The following GRB14 variants were observed in gnomAD, a reference collection of about 807,000 sequenced individuals.
GRB14 encodes the protein growth factor receptor bound protein 14, also known as growth factor receptor-bound protein 14.
Under a neutral mutation model 69.1 loss-of-function variants are expected in GRB14, and 38 were observed. That is an observed-to-expected ratio of 0.55 (90% confidence interval 0.42 to 0.72). The LOEUF (loss-of-function observed/expected upper bound fraction) is 0.72, where lower values mean the gene tolerates loss of function less well. Among genes scored for constraint, GRB14 ranks in the 30% least tolerant of loss-of-function variants. The probability of loss-of-function intolerance (pLI) is 0.00; values close to 1 mark genes in which losing one functional copy is unlikely to be tolerated. For missense variants in GRB14, 666 were observed against 666.1 expected, an observed-to-expected ratio of 1.00 and a Z score of 0.00; for synonymous variants, 247 against 241.3, an observed-to-expected ratio of 1.02 and a Z score of -0.22.
intron 3 of GRB14, among the ~76,000 whole-genome samples, chr2:164,535,571 A>C (rs1688059633): frequency 6.6e-6 from 1 of 152,210 alleles, no homozygotes; most frequent in African/African-American, 2.4e-5. Context: ...CCTTTTTTAC[A>C]GGAAACTCCA....
intron 2 of GRB14, among the ~76,000 whole-genome samples, chr2:164,555,480 A>G (rs547909278): frequency 6.6e-6 from 1 of 152,264 alleles, no homozygotes; most frequent in South Asian, 2.1e-4. Context: ...GAAAAAAAAG[A>G]GCAAAAGTGA....
chr2:164,509,243 G>T (rs1339115567), intron 6 of GRB14, among the ~76,000 whole-genome samples: 3 of 152,130 alleles, frequency 2.0e-5, no homozygotes, highest in Non-Finnish European at 4.4e-5. Flanking sequence ...GAGAAGGTTG[G>T]TTTGAGCTTC....
chr2:164,610,157 CT>C (rs1294606504), intron 2 of GRB14, among the ~76,000 whole-genome samples: 1 of 152,176 alleles, frequency 6.6e-6, no homozygotes, highest in Non-Finnish European at 1.5e-5. Flanking sequence ...GGGTATATGT[CT>C]CCCCACTTCC....
At chr2:164,552,703 C>T (rs1486374285) in intron 2 of GRB14, among the ~76,000 whole-genome samples, 1 of 152,054 alleles carries the variant, frequency 6.6e-6, no homozygotes, top group East Asian at 1.9e-4. Flanking sequence ...CATGTCATGC[C>T]CTATGATGTC....
intron 3 of GRB14, among the ~76,000 whole-genome samples, chr2:164,537,577 G>C (rs557502260): frequency 1.3e-5 from 2 of 152,304 alleles, no homozygotes; most frequent in South Asian, 4.1e-4. Flanking sequence ...TCTGCATTCA[G>C]ATGGATAATG....
rs186702379 is a variant in GRB14 at position 164,577,889 on chromosome 2, G to C, written c.325-30073C>G. ...GACTGTAACATTAGACAACTAAAAA[G>C]AAATTCTAAAAAATTAATTAGTTTA... is the stretch of plus-strand genomic sequence containing the variant. On this transcript the variant is annotated intron_variant, in intron 2 of 13. Transcript: ENST00000263915. 2.4e-3 allele frequency among the ~76,000 whole-genome samples: 359 copies of C among 152,190 alleles called. 2 individuals are homozygous for C. The highest frequency in any genetic ancestry group is 8.4e-3 in the African/African-American group (347 of 41,516).
At chr2:164,614,908 T>C (rs1690250576) in intron 2 of GRB14, among the ~76,000 whole-genome samples, 1 of 152,100 alleles carries the variant, frequency 6.6e-6, no homozygotes, top group Non-Finnish European at 1.5e-5. Flanking sequence ...GCTTATCCTT[T>C]GAAAGTCCGT....
chr2:164,595,614 T>C (rs1267137387), intron 2 of GRB14, among the ~76,000 whole-genome samples: 3 of 152,192 alleles, frequency 2.0e-5, no homozygotes, highest in Non-Finnish European at 4.4e-5. Context: ...TTAGGTTCTA[T>C]TCTACAGGCA....
At chr2:164,517,801 C>T (rs1376866993) in intron 6 of GRB14, among the ~76,000 whole-genome samples, 1 of 151,946 alleles carries the variant, frequency 6.6e-6, no homozygotes, top group African/African-American at 2.4e-5. Flanking sequence ...GGAAATTGTC[C>T]AGTAGGAAAA....
rs67781422 is a variant in GRB14 at position 164,582,424 on chromosome 2, ATT to A, written c.325-34610_325-34609del. Among the ~76,000 whole-genome samples, 637 of 116,144 alleles carry A rather than the reference ATT, an allele frequency of 5.5e-3. 3 individuals carry two copies. Among genetic ancestry groups the A allele is most frequent in the East Asian group, 0.018 (74 of 4,086 alleles). The allele number at this position is 116,144 out of a possible 152,430, so 76.2% of individuals were successfully genotyped here. On this transcript the variant is annotated intron_variant, in intron 2 of 13. Transcript: ENST00000263915. ...GCTCTTATTTATTTATTTATTTATTATTTTTTTTTTTTTTTGAGAAGGAGTCT... is the reference window on the plus strand; with the variant it reads ...GCTCTTATTTATTTATTTATTTATTATTTTTTTTTTTTTGAGAAGGAGTCT...
intron 3 of GRB14, among the ~76,000 whole-genome samples, chr2:164,540,468 G>T (rs766860462): frequency 1.1e-3 from 170 of 152,088 alleles, no homozygotes; most frequent in Non-Finnish European, 2.2e-4. Flanking sequence ...AATTAGCTGG[G>T]TGTGGTGTCA....
intron 2 of GRB14, among the ~76,000 whole-genome samples, chr2:164,578,312 A>G (rs1419624283): frequency 6.6e-6 from 1 of 152,224 alleles, no homozygotes; most frequent in Non-Finnish European, 1.5e-5. Flanking sequence ...AGGAATTACA[A>G]AAACAATTTT....
intron 6 of GRB14, among the ~76,000 whole-genome samples, chr2:164,520,508 G>A (rs929854943): frequency 1.3e-5 from 2 of 151,930 alleles, no homozygotes; most frequent in African/African-American, 2.4e-5. Context: ...TAAATAGATA[G>A]GACTTAATTA....
chr2:164,526,911 T>A (rs1310768468), intron 4 of GRB14, 103 bp downstream of exon 4: 1 of 671,688 alleles, frequency 1.5e-6, no homozygotes, highest in Non-Finnish European at 2.3e-6. Context: ...TCATCTACAA[T>A]TTACCGAATA....
chr2:164,530,925 A>G (rs1481428472), intron 3 of GRB14, among the ~76,000 whole-genome samples: 1 of 152,212 alleles, frequency 6.6e-6, no homozygotes, highest in Non-Finnish European at 1.5e-5. Context: ...TGAAAGCACA[A>G]AGACCATTTG....
At chr2:164,556,248 T>C (rs973482748) in intron 2 of GRB14, among the ~76,000 whole-genome samples, 2 of 152,198 alleles carry the variant, frequency 1.3e-5, no homozygotes, top group Non-Finnish European at 2.9e-5. Flanking sequence ...TGCTTTCTTA[T>C]TGCTATCCTG....
intron 12 of GRB14, among the ~76,000 whole-genome samples, chr2:164,495,655 C>T (rs670757): frequency 0.36 from 54,561 of 152,062 alleles, 10,319 homozygotes; most frequent in East Asian, 0.61. Flanking sequence ...AAGAGGCAGC[C>T]AAATTTAAAG....
chr2:164,526,939 C>T (rs2105288244), intron 4 of GRB14, 75 bp downstream of exon 4: 1 of 1,024,644 alleles, frequency 9.8e-7, no homozygotes, highest in Non-Finnish European at 1.4e-6. Flanking sequence ...ATTTTATTTA[C>T]AGTGACTATC....
At chr2:164,495,333 G>C (rs1203368122) in intron 12 of GRB14, among the ~76,000 whole-genome samples, 1 of 151,966 alleles carries the variant, frequency 6.6e-6, no homozygotes, top group African/African-American at 2.4e-5. Flanking sequence ...TAGCAAGAAA[G>C]AAATCAATAT....
Sources: allele counts gnomAD v4.1 joint callset (sites outside exome capture counted in the v4.1 genomes callset), GRCh38; gene constraint gnomAD v4.1.1; transcripts MANE v1.5; gene names NCBI Gene and HGNC (gene_info 2026-07-23, HGNC 2026-07-21).